NTM: variants seen among roughly 807,000 people sequenced by gnomAD.
The protein encoded by NTM is neurotrimin.
A neutral mutation model predicts 42.1 loss-of-function variants in NTM; 13 were observed. That is an observed-to-expected ratio of 0.31 (90% confidence interval 0.20 to 0.49). The LOEUF (loss-of-function observed/expected upper bound fraction) is 0.49, where lower values mean the gene tolerates loss of function less well. Among genes scored for constraint, NTM ranks in the 20% least tolerant of loss-of-function variants. The pLI, the probability that NTM is intolerant of heterozygous loss-of-function variation, is 0.99. For synonymous variants in NTM, 187 were observed against 179.2 expected (o/e 1.04, Z -0.35); for missense variants, 373 against 452.8 (o/e 0.82, Z 1.60).
At chr11:131,774,761 T>C (rs2086696148) in intron 1 of NTM, among the ~76,000 whole-genome samples, 1 of 152,192 alleles carries the variant, frequency 6.6e-6, no homozygotes, top group South Asian at 2.1e-4. Context: ...GCATTCAATA[T>C]AAGAGTATCA....
In NTM at chr11:131,530,340, T is replaced by G. The variant is rs2051072874; in HGVS notation, c.82+159452T>G. 2.0e-5 allele frequency among the ~76,000 whole-genome samples: 3 copies of G among 151,274 alleles called. No homozygotes were observed. The South Asian group carries it at 6.3e-4, about 32-fold the overall frequency. On this transcript the variant is annotated intron_variant, in intron 1 of 8. Transcript: ENST00000683400. ...AAATCTACTTTCTACCCTATGAGAA[T>G]GTTGAGCATATGAGAATTCAAGGGC...
chr11:131,600,428 G>A (rs1468090834), intron 1 of NTM, among the ~76,000 whole-genome samples: 1 of 152,176 alleles, frequency 6.6e-6, no homozygotes, highest in Non-Finnish European at 1.5e-5. Context: ...TTATTAAGTG[G>A]ATACTAGCAT....
intron 3 of NTM, among the ~76,000 whole-genome samples, chr11:132,204,597 G>A (rs2081670641): frequency 1.3e-5 from 2 of 152,146 alleles, no homozygotes; most frequent in African/African-American, 4.8e-5. Context: ...CAAGTGTGAA[G>A]GATGGAGTCA....
intron 1 of NTM, among the ~76,000 whole-genome samples, chr11:131,808,696 C>T (rs1199182493): frequency 6.6e-6 from 1 of 152,032 alleles, no homozygotes; most frequent in African/African-American, 2.4e-5. Context: ...GAGGAGTGCT[C>T]CTAGCTGTGG....
intron 2 of NTM, among the ~76,000 whole-genome samples, chr11:131,985,988 AAC>A (rs1481818222): frequency 2.6e-5 from 4 of 152,146 alleles, no homozygotes; most frequent in African/African-American, 9.7e-5. Context: ...GCACTTAATA[AAC>A]ACAGAATAAA....
intron 2 of NTM, among the ~76,000 whole-genome samples, chr11:132,102,845 G>C (rs907294453): frequency 6.6e-6 from 1 of 152,204 alleles, no homozygotes; most frequent in Non-Finnish European, 1.5e-5. Context: ...AAGCTGTGTG[G>C]AGCCTGTCTT....
At chr11:131,563,579 CT>C (rs71911433) in intron 1 of NTM, among the ~76,000 whole-genome samples, 1,131 of 88,748 alleles carry the variant, frequency 0.013, 6 homozygotes, top group Non-Finnish European at 0.016. Context: ...GCTCCAGACA[CT>C]TTTTTTTTTT....
chr11:131,755,168 G>C (rs1360971921), intron 1 of NTM, among the ~76,000 whole-genome samples: 2 of 152,106 alleles, frequency 1.3e-5, no homozygotes, highest in Admixed American at 6.5e-5. Flanking sequence ...TCACTAAATG[G>C]ATACATTTTA....
In NTM at chr11:132,325,911, G is replaced by A. The variant is rs1022794765; in HGVS notation, c.935-4242G>A. Among the ~76,000 whole-genome samples, 246 of 151,756 alleles carry A rather than the reference G, an allele frequency of 1.6e-3. 1 individual carries two copies. Among genetic ancestry groups the A allele is most frequent in the Non-Finnish European group, 2.5e-3 (172 of 67,974 alleles). On this transcript the variant is annotated intron_variant, in intron 7 of 8. Coordinates refer to ENST00000683400, the MANE Select transcript of NTM (RefSeq NM_001352005.2). Reference sequence around the variant, plus strand: ...AAACCATCATTCTCAGCAAACTATCGCAAGGACAAAAAACCAAACACCGCG... The same window carrying A: ...AAACCATCATTCTCAGCAAACTATCACAAGGACAAAAAACCAAACACCGCG...
At chr11:131,580,650 A>G (rs1041152142) in intron 1 of NTM, among the ~76,000 whole-genome samples, 1 of 152,184 alleles carries the variant, frequency 6.6e-6, no homozygotes, top group South Asian at 2.1e-4. Context: ...GGAGTAGTCT[A>G]TAATTGAACT....
At chr11:132,048,361 G>C (rs79245796) in intron 2 of NTM, among the ~76,000 whole-genome samples, 1 of 152,146 alleles carries the variant, frequency 6.6e-6, no homozygotes, top group Non-Finnish European at 1.5e-5. Flanking sequence ...GGGTCCACAC[G>C]ATCAATACAT....
At chr11:131,637,841 C>T (rs2064610110) in intron 1 of NTM, among the ~76,000 whole-genome samples, 1 of 152,002 alleles carries the variant, frequency 6.6e-6, no homozygotes, top group African/African-American at 2.4e-5. Flanking sequence ...AAGGATTAGA[C>T]ATTAATTAAA....
At chr11:131,644,955 G>A (rs1377061344) in intron 1 of NTM, among the ~76,000 whole-genome samples, 3 of 151,946 alleles carry the variant, frequency 2.0e-5, no homozygotes, top group East Asian at 3.9e-4. Flanking sequence ...GTGCTCCTTC[G>A]ACAACAGGCA....
chr11:131,593,958 G>T (rs183031060), intron 1 of NTM, among the ~76,000 whole-genome samples: 2 of 152,284 alleles, frequency 1.3e-5, no homozygotes, highest in African/African-American at 4.8e-5. Flanking sequence ...ACATGGATTT[G>T]TTAGGATGAA....
intron 2 of NTM, among the ~76,000 whole-genome samples, chr11:132,016,839 A>G (rs2073500046): frequency 6.6e-6 from 1 of 151,954 alleles, no homozygotes; most frequent in Admixed American, 6.6e-5. Context: ...TAACCATTCT[A>G]GTGGATATAC....
intron 1 of NTM, among the ~76,000 whole-genome samples, chr11:131,425,500 A>C (rs1396648091): frequency 6.6e-6 from 1 of 152,234 alleles, no homozygotes; most frequent in East Asian, 1.9e-4. Flanking sequence ...AAAAGTCCAA[A>C]GGCTTCCCTG....
At chr11:132,264,648 TAA>T (rs941676167) in intron 4 of NTM, among the ~76,000 whole-genome samples, 1 of 152,212 alleles carries the variant, frequency 6.6e-6, no homozygotes, top group Non-Finnish European at 1.5e-5. Flanking sequence ...AGGCAAGATA[TAA>T]AGAGATGAAT....
chr11:131,380,501 G>A (rs113033685), intron 1 of NTM, among the ~76,000 whole-genome samples: 2,206 of 152,110 alleles, frequency 0.015, 40 homozygotes, highest in Non-Finnish European at 0.019. Flanking sequence ...GTGAGCTACC[G>A]TGCCCAACTG....
chr11:131,567,526 A>G (rs545498766), intron 1 of NTM, among the ~76,000 whole-genome samples: 92 of 152,206 alleles, frequency 6.0e-4, no homozygotes, highest in African/African-American at 2.1e-3. Flanking sequence ...GGCCAGAGAT[A>G]CCTGGGAAAG....
Sources: gnomAD v4.1 joint callset for allele counts (sites outside exome capture counted in the v4.1 genomes callset) on GRCh38, gnomAD v4.1.1 for gene constraint, MANE v1.5 for transcripts, NCBI Gene and HGNC (gene_info 2026-07-23, HGNC 2026-07-21) for gene names.